Variants in ZNF695 observed in about 807,000 individuals in gnomAD.
ZNF695 encodes the protein zinc finger protein SBZF3.
Under a neutral mutation model 11.2 loss-of-function variants are expected in ZNF695, and 11 were observed. The ratio of observed to expected loss-of-function variants is 0.98; its 90% CI spans 0.62 to 1.62. ZNF695 has a LOEUF of 1.62. Ranked by LOEUF, ZNF695 falls within the 40% of genes most tolerant of loss-of-function variation. The pLI is 0.00. For missense variants in ZNF695, 559 were observed against 590.5 expected, an observed-to-expected ratio of 0.95 and a Z score of 0.55; for synonymous variants, 190 against 201.4, an observed-to-expected ratio of 0.94 and a Z score of 0.48.
At chr1:246,953,837 A>G (rs989245466) in intron 5 of ZNF695, among the ~76,000 whole-genome samples, 1 of 151,824 alleles carries the variant, frequency 6.6e-6, no homozygotes, top group Non-Finnish European at 1.5e-5. Flanking sequence ...GAGGCAGGAG[A>G]ATCACTTGAA....
At chr1:246,966,179 G>A (rs923880150) in intron 5 of ZNF695, among the ~76,000 whole-genome samples, 5 of 152,078 alleles carry the variant, frequency 3.3e-5, no homozygotes, top group African/African-American at 4.8e-5. Context: ...AGGACAGTGA[G>A]CAAGTGAGAG....
chr1:246,997,687 G>A (rs1669251651), intron 3 of ZNF695, among the ~76,000 whole-genome samples: 1 of 152,066 alleles, frequency 6.6e-6, no homozygotes, highest in Admixed American at 6.5e-5. Flanking sequence ...AATGCTGAAT[G>A]GATAAAGAAA....
chr1:246,988,019 T>C lies in ZNF695; in HGVS notation c.496A>G (p.Ser166Gly). Residue 166 changes from serine (S) to glycine (G), a missense_variant, in exon 4 of 4, where the codon AGT (serine) becomes GGT (glycine). Physicochemically the swap from Ser to Gly is moderately conservative, Grantham distance 56. Transcript: ENST00000339986. ...FQCNKCVKGF[S>G]KFANLNKCKI... Reference sequence around the variant, plus strand: ...CATTTATTTAGATTTGCAAATTTACTAAAACCTTTCACACATTTATTGCAT... The same window carrying C: ...CATTTATTTAGATTTGCAAATTTACCAAAACCTTTCACACATTTATTGCAT... The C allele has an allele frequency of 6.3e-7, 1 of 1,597,910 alleles. No individual in the cohort carries two copies. Among genetic ancestry groups the C allele is most frequent in the South Asian group, 1.1e-5 (1 of 88,004 alleles).
intron 5 of ZNF695, among the ~76,000 whole-genome samples, chr1:246,962,564 A>T (rs1170284021): frequency 6.6e-6 from 1 of 152,192 alleles, no homozygotes; most frequent in Non-Finnish European, 1.5e-5. Context: ...TACTAAAATG[A>T]GAAGCAAGTG....
At chr1:246,954,619 A>G (rs1476180620) in intron 5 of ZNF695, among the ~76,000 whole-genome samples, 2 of 152,206 alleles carry the variant, frequency 1.3e-5, no homozygotes, top group African/African-American at 4.8e-5. Context: ...TATGGAAACC[A>G]TGTGTGTCTA....
chr1:246,952,015 C>T (rs1179474147), intron 5 of ZNF695, among the ~76,000 whole-genome samples: 2 of 152,216 alleles, frequency 1.3e-5, no homozygotes, highest in Admixed American at 6.5e-5. Context: ...GTGGTGTGAT[C>T]TTGGCTCATG....
intron 5 of ZNF695, among the ~76,000 whole-genome samples, chr1:246,957,393 A>G (rs1339660521): frequency 6.6e-6 from 1 of 151,972 alleles, no homozygotes; most frequent in African/African-American, 2.4e-5. Flanking sequence ...AAAAAAAAAA[A>G]AAAGAATTGG....
chr1:246,983,338 G>A (rs1278302674), downstream of ZNF695, among the ~76,000 whole-genome samples: 1 of 151,934 alleles, frequency 6.6e-6, no homozygotes, highest in Non-Finnish European at 1.5e-5. Context: ...GGAAAACACA[G>A]TGAGACTTCA....
intron 2 of ZNF695, 91 bp downstream of exon 2, chr1:246,999,820 AG>A: frequency 7.6e-7 from 1 of 1,323,166 alleles, no homozygotes; most frequent in East Asian, 2.4e-5. Flanking sequence ...GAAATCCCCA[AG>A]GTTTTCTTGA....
At chr1:247,004,204 C>T (rs185698870) in intron 1 of ZNF695, among the ~76,000 whole-genome samples, 3 of 152,222 alleles carry the variant, frequency 2.0e-5, no homozygotes, top group African/African-American at 7.2e-5. Context: ...GAGCGAGACT[C>T]CATCTCAAAA....
rs750139040 is a variant in ZNF695, at chr1:246,987,624, T to C, written c.891A>G (p.Lys297=). ...KKIHTGEKPY[K]CEECGKSFKL... ...TAAAGGATTTGCCACATTCTTCACA[T>C]TTGTATGGTTTCTCTCCAGTATGAA... The change falls in exon 4 of 4, where the codon AAA becomes AAG. Residue 297 remains lysine, a synonymous_variant. Transcript: ENST00000339986. 6.2e-7 allele frequency: 1 copy of C among 1,603,832 alleles called. No homozygotes were observed.
At chr1:247,002,377 T>C (rs1331658624) in intron 1 of ZNF695, among the ~76,000 whole-genome samples, 4 of 152,196 alleles carry the variant, frequency 2.6e-5, no homozygotes, top group Non-Finnish European at 1.5e-5. Context: ...GAAAAGTTTA[T>C]AGTGCTAAAT....
At chr1:246,958,916 A>G (rs1283691776) in intron 5 of ZNF695, among the ~76,000 whole-genome samples, 1 of 152,052 alleles carries the variant, frequency 6.6e-6, no homozygotes, top group Non-Finnish European at 1.5e-5. Context: ...TGTCTTGTAA[A>G]TTATCACTAA....
intron 5 of ZNF695, among the ~76,000 whole-genome samples, chr1:246,950,528 G>A (rs1667845213): frequency 6.6e-6 from 1 of 151,914 alleles, no homozygotes; most frequent in African/African-American, 2.4e-5. Context: ...GCACGCTCCT[G>A]TATTCCCAGC....
At chr1:247,005,845 T>C (rs2379189) in intron 1 of ZNF695, among the ~76,000 whole-genome samples, 138,303 of 152,262 alleles carry the variant, frequency 0.91, 62,898 homozygotes, top group East Asian at 0.99. Flanking sequence ...ACTGGCTGAG[T>C]AAAGATTTTA....
chr1:246,990,884 G>C (rs775678919), intron 3 of ZNF695, among the ~76,000 whole-genome samples: 2 of 152,040 alleles, frequency 1.3e-5, no homozygotes, highest in African/African-American at 2.4e-5. Context: ...AATTCAGGAG[G>C]AAATTTAAAA....
intron 1 of ZNF695, among the ~76,000 whole-genome samples, chr1:247,007,591 C>T (rs890285887): frequency 6.6e-6 from 1 of 151,978 alleles, no homozygotes; most frequent in African/African-American, 2.4e-5. Context: ...CTCCCGACAA[C>T]CCCTCCGTCA....
At chr1:246,988,363 C>A in intron 3 of ZNF695, 108 bp from the exon 4 acceptor site, 1 of 787,038 alleles carries the variant, frequency 1.3e-6, no homozygotes, top group South Asian at 2.2e-5. Context: ...TAATGAAATA[C>A]CACAGGCCCT....
rs60581418 is a variant in ZNF695, at chr1:246,973,060, A to T, written c.391-5268T>A. 2.6e-3 allele frequency among the ~76,000 whole-genome samples: 389 copies of T among 150,772 alleles called. 4 individuals carry two copies. Among genetic ancestry groups the T allele is most frequent in the African/African-American group, 9.1e-3 (374 of 41,128 alleles). On this transcript the variant is annotated intron_variant, in intron 4 of 5. Coordinates refer to the ZNF695 transcript ENST00000487338. ...ACACTAAGAACATATATATATATAT[A>T]TATTTTGAGACGGAGTTTCACTCTT...
Sources: allele counts gnomAD v4.1 joint callset (sites outside exome capture counted in the v4.1 genomes callset), GRCh38; gene constraint gnomAD v4.1.1; transcripts MANE v1.5; gene names NCBI Gene and HGNC (gene_info 2026-07-23, HGNC 2026-07-21).